BACH2: variants seen among roughly 807,000 people sequenced by gnomAD.
BACH2 encodes BACH transcriptional regulator 2.
BACH2 carries 5 observed loss-of-function variants against 61.8 expected under a neutral mutation model. That is an observed-to-expected ratio of 0.08 (90% CI 0.04 to 0.17). The LOEUF is 0.17. BACH2 is among the 10% of genes least tolerant of loss of function. The pLI is 1.00. For missense variants in BACH2, 824 were observed against 1,091.1 expected (o/e 0.76, Z 3.45); for synonymous variants, 446 against 440.1 (o/e 1.01, Z -0.17).
At chr6:90,132,992 C>T (rs17773432) in intron 4 of BACH2, among the ~76,000 whole-genome samples, 1 of 152,184 alleles carries the variant, frequency 6.6e-6, no homozygotes, top group South Asian at 2.1e-4. Flanking sequence ...ACGTGCAGCC[C>T]AGATCTGGAT....
At chr6:90,079,975 C>T (rs547789868) in intron 5 of BACH2, among the ~76,000 whole-genome samples, 2 of 151,538 alleles carry the variant, frequency 1.3e-5, no homozygotes, top group East Asian at 3.9e-4. Flanking sequence ...TACCAATGGG[C>T]ATTTTCAAAG....
At chr6:90,129,951 C>A (rs1212214282) in intron 4 of BACH2, among the ~76,000 whole-genome samples, 1 of 152,076 alleles carries the variant, frequency 6.6e-6, no homozygotes, top group African/African-American at 2.4e-5. Context: ...CTCACTGCAA[C>A]CTCCACCTCC....
intron 4 of BACH2, among the ~76,000 whole-genome samples, chr6:90,134,040 T>C: frequency 6.6e-6 from 1 of 152,246 alleles, no homozygotes; most frequent in Non-Finnish European, 1.5e-5. Flanking sequence ...TTTATAATCC[T>C]TTGGGTATAT....
intron 1 of BACH2, among the ~76,000 whole-genome samples, chr6:90,290,592 T>G (rs1243669248): frequency 6.6e-6 from 1 of 152,180 alleles, no homozygotes; most frequent in African/African-American, 2.4e-5. Context: ...TTGCCAAAAA[T>G]CTATGGATAC....
intron 4 of BACH2, among the ~76,000 whole-genome samples, chr6:90,203,733 A>G (rs1170089969): frequency 6.6e-6 from 1 of 152,178 alleles, no homozygotes; most frequent in East Asian, 1.9e-4. Context: ...TATTCCCTGT[A>G]GACTGGCCTC....
chr6:90,254,853 T>G (rs1475242719), intron 2 of BACH2, among the ~76,000 whole-genome samples: 1 of 152,184 alleles, frequency 6.6e-6, no homozygotes, highest in Non-Finnish European at 1.5e-5. Flanking sequence ...GAAGTTATTG[T>G]AATGTTTCAA....
At chr6:89,954,298 CTT>C (rs56660189) in intron 6 of BACH2, among the ~76,000 whole-genome samples, 2 of 143,356 alleles carry the variant, frequency 1.4e-5, no homozygotes, top group African/African-American at 5.1e-5. Flanking sequence ...CACAGTTTTT[CTT>C]TTTTTTTTTA....
intron 4 of BACH2, among the ~76,000 whole-genome samples, chr6:90,129,464 C>T (rs993335793): frequency 2.0e-5 from 3 of 152,084 alleles, no homozygotes; most frequent in African/African-American, 7.2e-5. Flanking sequence ...TCCCAACAGG[C>T]CATGGTGTGT....
At chr6:90,216,207 CAA>C (rs1444849684) in intron 3 of BACH2, among the ~76,000 whole-genome samples, 1 of 152,190 alleles carries the variant, frequency 6.6e-6, no homozygotes, top group African/African-American at 2.4e-5. Context: ...CTAGTCCTCA[CAA>C]AACAAACAGA....
chr6:89,994,985 C>T (rs993948786), intron 6 of BACH2, among the ~76,000 whole-genome samples: 10 of 152,266 alleles, frequency 6.6e-5, no homozygotes, highest in Admixed American at 1.3e-4. Flanking sequence ...CATATCGTTC[C>T]TCCAACCACT....
intron 4 of BACH2, among the ~76,000 whole-genome samples, chr6:90,147,733 TA>T (rs1396955303): frequency 2.6e-5 from 4 of 152,322 alleles, no homozygotes; most frequent in African/African-American, 9.6e-5. Flanking sequence ...CTGAGCACCG[TA>T]ATTGAAAAAA....
rs1772380053 is a variant in BACH2, at chr6:89,926,745, C to A, written c.*5663G>T. The A allele has an allele frequency of 6.6e-6, 1 of 152,498 alleles. No homozygotes were observed. The highest frequency in any genetic ancestry group is 6.5e-5 in the Admixed American group (1 of 15,272). The allele number at this position is 152,498 out of a possible 1,614,324, so 9.4% of individuals were successfully genotyped here. On this transcript the variant is annotated 3_prime_UTR_variant, in exon 9 of 9. Transcript: ENST00000257749. ...AGTTACAGAGAATAAGCATCAACAG[C>A]CTTTCATTTTTTACAATAAAAACCA...
intron 4 of BACH2, among the ~76,000 whole-genome samples, chr6:90,131,904 T>C (rs116268610): frequency 6.6e-6 from 1 of 152,192 alleles, no homozygotes; most frequent in African/African-American, 2.4e-5. Context: ...ATGAAAGTGA[T>C]TGCATTCCTA....
At chr6:90,068,458 C>CGGG (rs1377032828) in intron 5 of BACH2, among the ~76,000 whole-genome samples, 1 of 152,020 alleles carries the variant, frequency 6.6e-6, no homozygotes, top group African/African-American at 2.4e-5. Flanking sequence ...CAGGACAATG[C>CGGG]GGGGGTGTAC....
chr6:90,278,390 A>ATGGAGACCTTTCCAGGCCG (rs1562539349), intron 1 of BACH2, among the ~76,000 whole-genome samples: 1 of 152,228 alleles, frequency 6.6e-6, no homozygotes, highest in African/African-American at 2.4e-5. Flanking sequence ...CTTCCAGGCC[A>ATGGAGACCTTTCCAGGCCG]TGGAGACCTT....
chr6:90,026,523 T>TA (rs1778645421), intron 5 of BACH2, among the ~76,000 whole-genome samples: 1 of 152,170 alleles, frequency 6.6e-6, no homozygotes, highest in African/African-American at 2.4e-5. Flanking sequence ...CTGCCAAAGT[T>TA]AGATTCATCT....
chr6:90,181,948 T>C (rs902180109), intron 4 of BACH2, among the ~76,000 whole-genome samples: 1 of 152,184 alleles, frequency 6.6e-6, no homozygotes, highest in Admixed American at 6.5e-5. Flanking sequence ...TTAGGATGGT[T>C]ATGGATTCAC....
chr6:90,162,495 A>T (rs1433702405), intron 4 of BACH2, among the ~76,000 whole-genome samples: 1 of 152,072 alleles, frequency 6.6e-6, no homozygotes, highest in African/African-American at 2.4e-5. Flanking sequence ...TTTAAAAATT[A>T]GCTGGGCGTG....
intron 3 of BACH2, among the ~76,000 whole-genome samples, chr6:90,241,705 C>T (rs1207549647): frequency 6.6e-6 from 1 of 151,998 alleles, no homozygotes; most frequent in Admixed American, 6.6e-5. Context: ...GGCATCTCTG[C>T]TCACAATCTG....
Sources: gnomAD v4.1 joint callset for allele counts (sites outside exome capture counted in the v4.1 genomes callset) on GRCh38, gnomAD v4.1.1 for gene constraint, MANE v1.5 for transcripts, NCBI Gene and HGNC (gene_info 2026-07-23, HGNC 2026-07-21) for gene names.